The following SLC4A4 variants were observed in gnomAD, a reference collection of about 807,000 sequenced individuals.
SLC4A4 encodes solute carrier family 4 member 4, also known as electrogenic sodium bicarbonate cotransporter 1.
SLC4A4 carries 27 observed loss-of-function variants against 111.5 expected under a neutral mutation model. The ratio of observed to expected loss-of-function variants is 0.24; its 90% CI spans 0.18 to 0.33. SLC4A4 has a LOEUF of 0.33. Among genes scored for constraint, SLC4A4 ranks in the 10% least tolerant of loss-of-function variants. The probability of loss-of-function intolerance (pLI) is 1.00; values close to 1 mark genes in which losing one functional copy is unlikely to be tolerated. For missense variants in SLC4A4, 909 were observed against 1,315.5 expected (o/e 0.69, Z 4.78); for synonymous variants, 443 against 463.4 (o/e 0.96, Z 0.57).
intron 2 of SLC4A4, among the ~76,000 whole-genome samples, chr4:71,180,389 G>A (rs1443339049): frequency 6.6e-6 from 1 of 152,168 alleles, no homozygotes; most frequent in Non-Finnish European, 1.5e-5. Context: ...CACAGCAAAA[G>A]AAACTACCAT....
intron 8 of SLC4A4, among the ~76,000 whole-genome samples, chr4:71,441,974 G>C (rs1295097448): frequency 2.6e-5 from 4 of 152,082 alleles, no homozygotes; most frequent in African/African-American, 9.7e-5. Context: ...TTCTATCTGT[G>C]CAGTCACCTG....
At chr4:71,300,953 G>C in intron 3 of SLC4A4, 1 of 515,186 alleles carries the variant, frequency 1.9e-6, no homozygotes, top group South Asian at 1.5e-5. Flanking sequence ...TAGTGCCATA[G>C]ATCAGGGCTG....
chr4:71,197,999 T>C (rs1431536748), intron 1 of SLC4A4, among the ~76,000 whole-genome samples: 1 of 152,236 alleles, frequency 6.6e-6, no homozygotes, highest in Non-Finnish European at 1.5e-5. Context: ...ATTTATCATA[T>C]TGATTACATT....
intron 2 of SLC4A4, among the ~76,000 whole-genome samples, chr4:71,150,845 T>A (rs1744297142): frequency 6.6e-6 from 1 of 152,168 alleles, no homozygotes; most frequent in Non-Finnish European, 1.5e-5. Context: ...TCTTATATTT[T>A]ACTTCTATGC....
intron 3 of SLC4A4, among the ~76,000 whole-genome samples, chr4:71,325,572 T>C (rs985638202): frequency 6.6e-6 from 1 of 152,140 alleles, no homozygotes; most frequent in South Asian, 2.1e-4. Context: ...CCATCTGTAC[T>C]TCATAGCTTT....
chr4:71,443,112 CTCTCTATATA>C (rs1319239633), intron 8 of SLC4A4, among the ~76,000 whole-genome samples: 6 of 97,674 alleles, frequency 6.1e-5, no homozygotes, highest in East Asian at 3.7e-4. Flanking sequence ...CTCTCTCTCT[CTCTCTATATA>C]TATATATATA....
At chr4:71,211,597 G>T (rs900013466) in intron 1 of SLC4A4, among the ~76,000 whole-genome samples, 3 of 152,160 alleles carry the variant, frequency 2.0e-5, no homozygotes, top group Non-Finnish European at 4.4e-5. Context: ...ATGTTTAACA[G>T]CTCCCCAATG....
intron 1 of SLC4A4, among the ~76,000 whole-genome samples, chr4:71,071,240 A>AGTG (rs1741650972): frequency 6.7e-6 from 1 of 150,234 alleles, no homozygotes; most frequent in Non-Finnish European, 1.5e-5. Flanking sequence ...ACTGCTCTCC[A>AGTG]GTCTAGGCGA....
In SLC4A4 at chr4:71,228,284, G is replaced by A. The variant is rs1160628994; in HGVS notation, c.-1-8292G>A. Reference sequence around the variant, plus strand: ...AGTTTAGGAGACTTAGCCCTAGCATGGAGAAGATGGAAAGGGAGAGTTTGA... The same window carrying A: ...AGTTTAGGAGACTTAGCCCTAGCATAGAGAAGATGGAAAGGGAGAGTTTGA... On this transcript the variant is annotated intron_variant, in intron 1 of 25. Transcript: ENST00000264485. Among the ~76,000 whole-genome samples, 3 of 152,146 alleles carry A rather than the reference G, an allele frequency of 2.0e-5. No individual in the cohort carries two copies. The East Asian group carries it at 5.8e-4, about 29-fold the overall frequency.
intron 2 of SLC4A4, among the ~76,000 whole-genome samples, chr4:71,241,499 T>C (rs1256113652): frequency 6.6e-6 from 1 of 152,138 alleles, no homozygotes; most frequent in African/African-American, 2.4e-5. Context: ...TAGTATTTTT[T>C]TCTAAAAAAA....
At chr4:71,350,766 TAA>T (rs978992704) in intron 5 of SLC4A4, among the ~76,000 whole-genome samples, 6 of 152,178 alleles carry the variant, frequency 3.9e-5, no homozygotes, top group African/African-American at 1.4e-4. Context: ...AACTTTGCAG[TAA>T]GTCTAAAATT....
chr4:71,211,432 C>T (rs1266445886), intron 1 of SLC4A4, among the ~76,000 whole-genome samples: 2 of 152,202 alleles, frequency 1.3e-5, no homozygotes, highest in African/African-American at 4.8e-5. Context: ...TGATAGCTCA[C>T]ACCATGAGGT....
At chr4:71,533,513 A>T (rs376851061) in intron 17 of SLC4A4, among the ~76,000 whole-genome samples, 2 of 151,874 alleles carry the variant, frequency 1.3e-5, no homozygotes, top group Non-Finnish European at 2.9e-5. Context: ...AGCGTAGGAA[A>T]CCCTTTTTTT....
At chr4:71,085,444 C>G (rs1289390177) in intron 1 of SLC4A4, among the ~76,000 whole-genome samples, 1 of 151,916 alleles carries the variant, frequency 6.6e-6, no homozygotes, top group Non-Finnish European at 1.5e-5. Flanking sequence ...CTTTTGTTGC[C>G]ATTGCTTTTG....
intron 3 of SLC4A4, among the ~76,000 whole-genome samples, chr4:71,323,620 T>C (rs1187880414): frequency 2.0e-5 from 3 of 152,166 alleles, no homozygotes; most frequent in East Asian, 3.9e-4. Context: ...TTCCTCTTTT[T>C]TGAGTCCTCA....
rs560735307 is a variant in SLC4A4, at chr4:71,530,139, G to C, written c.2167-1923G>C. On this transcript the variant is annotated intron_variant, in intron 16 of 25. Transcript: ENST00000264485. ...AGTGGCAGTTCCATGTCATTAATGG[G>C]CTTTTAATTTTTTATTTCTTGGATT... Among the ~76,000 whole-genome samples the C allele has an allele frequency of 1.2e-4, 18 of 152,148 alleles. No individual in the cohort carries two copies. In the South Asian group the frequency reaches 3.7e-3, roughly 32 times the overall value.
At chr4:71,154,579 G>T (rs184779491) in intron 2 of SLC4A4, among the ~76,000 whole-genome samples, 2 of 152,164 alleles carry the variant, frequency 1.3e-5, no homozygotes, top group South Asian at 4.1e-4. Flanking sequence ...TAACAACCGG[G>T]ATTGATAGAA....
intron 6 of SLC4A4, among the ~76,000 whole-genome samples, chr4:71,363,574 C>A (rs758939500): frequency 6.6e-6 from 1 of 152,146 alleles, no homozygotes; most frequent in Admixed American, 6.5e-5. Flanking sequence ...ATTTCCCTAA[C>A]CTGCTTCTGA....
At chr4:71,196,981 G>A (rs750994216) in intron 1 of SLC4A4, among the ~76,000 whole-genome samples, 27 of 151,870 alleles carry the variant, frequency 1.8e-4, no homozygotes, top group Non-Finnish European at 3.1e-4. Context: ...TTGGGAGGCC[G>A]AGGTGGGCGG....
Sources: gnomAD v4.1 joint callset for allele counts (sites outside exome capture counted in the v4.1 genomes callset) on GRCh38, gnomAD v4.1.1 for gene constraint, MANE v1.5 for transcripts, NCBI Gene and HGNC (gene_info 2026-07-23, HGNC 2026-07-21) for gene names.